ZBBX: variants seen among roughly 807,000 people sequenced by gnomAD.
The protein encoded by ZBBX is zinc finger B-box domain-containing protein 1.
Under a neutral mutation model 108.5 loss-of-function variants are expected in ZBBX, and 101 were observed. That is an observed-to-expected ratio of 0.93 (90% CI 0.79 to 1.10). The LOEUF is 1.10. Ranked by LOEUF, ZBBX falls within the 50% of genes least tolerant of loss-of-function variation. The pLI, the probability that ZBBX is intolerant of heterozygous loss-of-function variation, is 0.00. For synonymous variants in ZBBX, 356 were observed against 323.4 expected, an observed-to-expected ratio of 1.10 and a Z score of -1.08; for missense variants, 1,009 against 941.4, an observed-to-expected ratio of 1.07 and a Z score of -0.94.
intron 10 of ZBBX, among the ~76,000 whole-genome samples, chr3:167,331,891 G>A (rs959281455): frequency 6.6e-6 from 1 of 152,058 alleles, no homozygotes; most frequent in South Asian, 2.1e-4. Flanking sequence ...CCCAGGTTTC[G>A]GCTTATAAGA....
intron 20 of ZBBX, among the ~76,000 whole-genome samples, chr3:167,245,492 C>A (rs1189871531): frequency 1.3e-5 from 2 of 152,142 alleles, no homozygotes; most frequent in African/African-American, 4.8e-5. Context: ...ACTCTGCCCA[C>A]ACCCTCCCCT....
chr3:167,298,113 T>G (rs1424882995), intron 18 of ZBBX, among the ~76,000 whole-genome samples, 192 bp downstream of exon 18: 1 of 152,046 alleles, frequency 6.6e-6, no homozygotes, highest in Admixed American at 6.6e-5. Flanking sequence ...CTAAAAAATC[T>G]TTCCTAGTTT....
rs557381398 is a variant in ZBBX at position 167,374,084 on chromosome 3, G to A, written c.-131-297C>T. Among the ~76,000 whole-genome samples, 19 of 152,014 alleles carry A rather than the reference G, an allele frequency of 1.2e-4. No individual in the cohort carries two copies. Among genetic ancestry groups the A allele is most frequent in the Non-Finnish European group, 1.6e-4 (11 of 67,978 alleles). On this transcript the variant is annotated intron_variant, in intron 2 of 21. Coordinates refer to ENST00000675490, the MANE Select transcript of ZBBX (RefSeq NM_001199201.2). ...CTATCTAAAAATAATATCCAAGGCC[G>A]TGCAGAGAGAAACGAAAAGAATCTT...
chr3:167,378,058 C>T (rs979693999), intron 2 of ZBBX, among the ~76,000 whole-genome samples: 1 of 152,184 alleles, frequency 6.6e-6, no homozygotes, highest in South Asian at 2.1e-4. Flanking sequence ...GATGTGTTTG[C>T]TTTCCTTTCT....
At chr3:167,317,380 A>G in intron 13 of ZBBX, 108 bp downstream of exon 13, 1 of 804,626 alleles carries the variant, frequency 1.2e-6, no homozygotes, top group Non-Finnish European at 1.9e-6. Context: ...ACATGGTACA[A>G]CTGAGAATAA....
intron 16 of ZBBX, among the ~76,000 whole-genome samples, chr3:167,309,224 A>C (rs1734176319): frequency 6.6e-6 from 1 of 152,194 alleles, no homozygotes; most frequent in Non-Finnish European, 1.5e-5. Context: ...ACTGCTGTAC[A>C]CTGCTACTTT....
At chr3:167,214,009 C>A in the ZBBX span, among the ~76,000 whole-genome samples, 1 of 152,104 alleles carries the variant, frequency 6.6e-6, no homozygotes, top group Non-Finnish European at 1.5e-5. Context: ...ACCAGAAGAC[C>A]TGTTTCCACA....
chr3:167,401,521 A>T (rs1748424107), intron 1 of ZBBX: 1 of 152,190 alleles, frequency 6.6e-6, no homozygotes, highest in Non-Finnish European at 1.5e-5. Flanking sequence ...CCATTTCTTG[A>T]TTATATGCTA....
intron 20 of ZBBX, among the ~76,000 whole-genome samples, chr3:167,258,781 C>G (rs1159055315): frequency 1.3e-5 from 2 of 152,104 alleles, no homozygotes; most frequent in East Asian, 3.8e-4. Context: ...CATTTATTGA[C>G]TTGATTATGG....
intron 8 of ZBBX, among the ~76,000 whole-genome samples, chr3:167,353,733 A>C (rs1334397791): frequency 6.6e-6 from 1 of 152,036 alleles, no homozygotes; most frequent in Non-Finnish European, 1.5e-5. Context: ...CAACTCTATA[A>C]ATTTACAATC....
At chr3:167,334,578 A>G (rs184547341) in intron 9 of ZBBX, among the ~76,000 whole-genome samples, 1 of 152,236 alleles carries the variant, frequency 6.6e-6, no homozygotes, top group East Asian at 1.9e-4. Flanking sequence ...CATCTCGAAA[A>G]AAGAAAAAAG....
At position 167,327,988 on chromosome 3, in the gene ZBBX, T is replaced by C; in HGVS notation, c.816A>G (p.Gly272=). Reference sequence around the variant, plus strand: ...TCTGTTTCTTGTTGTCATCATGATTTCCGGTTCTCCATTGACTTAACACTT... The same window carrying C: ...TCTGTTTCTTGTTGTCATCATGATTCCCGGTTCTCCATTGACTTAACACTT... ...FQEVLSQWRT[G]NHDDNKKQNL... Residue 272 remains glycine, a synonymous_variant, in exon 11 of 22, where the codon GGA becomes GGG. Coordinates refer to ENST00000675490, the MANE Select transcript of ZBBX (RefSeq NM_001199201.2). 1 of 1,613,366 alleles carries C rather than the reference T, an allele frequency of 6.2e-7. No individual in the cohort carries two copies. The highest frequency in any genetic ancestry group is 1.7e-5 in the Admixed American group (1 of 59,880).
intron 2 of ZBBX, among the ~76,000 whole-genome samples, chr3:167,375,367 A>T (rs1279766860): frequency 2.0e-5 from 3 of 152,136 alleles, no homozygotes; most frequent in Admixed American, 6.5e-5. Flanking sequence ...CAAGGTGGGC[A>T]GATGACTTGA....
chr3:167,268,605 A>C (rs752414328), intron 20 of ZBBX, among the ~76,000 whole-genome samples: 1 of 152,174 alleles, frequency 6.6e-6, no homozygotes, highest in Admixed American at 6.5e-5. Flanking sequence ...AACAGATTGA[A>C]GGACCAAACG....
intron 10 of ZBBX, among the ~76,000 whole-genome samples, chr3:167,332,703 G>C (rs1738856819): frequency 6.6e-6 from 1 of 152,102 alleles, no homozygotes; most frequent in Non-Finnish European, 1.5e-5. Context: ...ATTTATTTTT[G>C]ATAGGATTAA....
At chr3:167,398,557 T>C (rs1477081901) in intron 1 of ZBBX, among the ~76,000 whole-genome samples, 1 of 152,112 alleles carries the variant, frequency 6.6e-6, no homozygotes, top group Non-Finnish European at 1.5e-5. Flanking sequence ...TTTTATTATG[T>C]AATATATATA....
chr3:167,263,756 T>C (rs1380026077), intron 20 of ZBBX, among the ~76,000 whole-genome samples: 2 of 152,236 alleles, frequency 1.3e-5, no homozygotes, highest in African/African-American at 2.4e-5. Context: ...GCATATTAAG[T>C]CTAGTGTTTC....
chr3:167,287,794 G>A (rs1729955975), intron 19 of ZBBX, among the ~76,000 whole-genome samples: 1 of 152,002 alleles, frequency 6.6e-6, no homozygotes. Flanking sequence ...AGGCATCTAA[G>A]TATAGAGCCA....
chr3:167,252,247 G>C (rs533395715), intron 20 of ZBBX: 775 of 1,180,932 alleles, frequency 6.6e-4, no homozygotes, highest in Non-Finnish European at 7.8e-4. Flanking sequence ...AGAGGTTGCT[G>C]TACACAATAA....
Sources: allele counts gnomAD v4.1 joint callset (sites outside exome capture counted in the v4.1 genomes callset), GRCh38; gene constraint gnomAD v4.1.1; transcripts MANE v1.5; gene names NCBI Gene and HGNC (gene_info 2026-07-23, HGNC 2026-07-21).